The following PALM2AKAP2 variants were observed in gnomAD, a reference collection of about 807,000 sequenced individuals.
The protein encoded by PALM2AKAP2 is PALM2 and AKAP2 fusion.
In PALM2AKAP2, 37 loss-of-function variants were observed where a neutral mutation model predicts 71.5. That is an observed-to-expected ratio of 0.52 (90% CI 0.40 to 0.68). The LOEUF (loss-of-function observed/expected upper bound fraction) is 0.68, where lower values mean the gene tolerates loss of function less well. PALM2AKAP2 is among the 30% of genes least tolerant of loss of function. PALM2AKAP2 has a pLI of 0.00. For synonymous variants in PALM2AKAP2, 468 were observed against 478.8 expected (o/e 0.98, Z 0.29); for missense variants, 1,224 against 1,191.8 (o/e 1.03, Z -0.40).
At chr9:110,002,775 G>T (rs979792802) in intron 6 of PALM2AKAP2, among the ~76,000 whole-genome samples, 2,782 of 151,858 alleles carry the variant, frequency 0.018, 91 homozygotes, top group African/African-American at 0.064. Flanking sequence ...TGTATGTGTC[G>T]AGGAATTTAT....
upstream of PALM2AKAP2, among the ~76,000 whole-genome samples, chr9:110,048,004 G>C (rs948813611): frequency 9.2e-5 from 14 of 152,104 alleles, no homozygotes; most frequent in African/African-American, 2.7e-4. Context: ...CTCTGACACC[G>C]GGCCACCGGC....
chr9:109,855,434 A>G (rs1564181892), intron 1 of PALM2AKAP2, among the ~76,000 whole-genome samples: 1 of 152,216 alleles, frequency 6.6e-6, no homozygotes, highest in Non-Finnish European at 1.5e-5. Flanking sequence ...TTCATTATCA[A>G]TAAATACTGA....
intron 1 of PALM2AKAP2, among the ~76,000 whole-genome samples, chr9:109,646,898 G>A (rs145644283): frequency 2.6e-5 from 4 of 152,320 alleles, no homozygotes; most frequent in East Asian, 1.9e-4. Context: ...TTAAACAAAT[G>A]TGTTTAGAAA....
At chr9:109,774,719 T>A (rs994545959) in intron 1 of PALM2AKAP2, among the ~76,000 whole-genome samples, 2 of 151,694 alleles carry the variant, frequency 1.3e-5, no homozygotes, top group East Asian at 3.9e-4. Context: ...TTCACTTAAG[T>A]TGGTCCATGG....
chr9:109,750,266 A>G (rs146198476), intron 1 of PALM2AKAP2, among the ~76,000 whole-genome samples: 90 of 152,330 alleles, frequency 5.9e-4, no homozygotes, highest in African/African-American at 2.1e-3. Flanking sequence ...ACAGGAAATT[A>G]GTTCCAATAT....
rs145778795 is a variant in PALM2AKAP2 at position 109,689,645 on chromosome 9, T to C, written c.5+48779T>C. 2.0e-5 allele frequency among the ~76,000 whole-genome samples: 3 copies of C among 152,340 alleles called. No individual in the cohort carries two copies. The East Asian group carries it at 5.8e-4, about 29-fold the overall frequency. ...GAAATAGGACAAAAGAATCAATAGA[T>C]GGAAAATGAAAGTATCATCTTCATG... On this transcript the variant is annotated intron_variant, in intron 1 of 6. Transcript: ENST00000374531.
chr9:109,738,221 G>A (rs1828666193), intron 1 of PALM2AKAP2, among the ~76,000 whole-genome samples: 1 of 152,168 alleles, frequency 6.6e-6, no homozygotes. Flanking sequence ...GGAAACAGTG[G>A]TGTAAAGTTT....
At chr9:110,016,184 A>C in intron 7 of PALM2AKAP2, 145 bp downstream of exon 7, 1 of 760,260 alleles carries the variant, frequency 1.3e-6, no homozygotes, top group Non-Finnish European at 2.2e-6. Flanking sequence ...TAGGGAGGCA[A>C]CCGTACATAA....
intron 3 of PALM2AKAP2, among the ~76,000 whole-genome samples, chr9:109,885,234 G>A (rs1431123557): frequency 6.6e-6 from 1 of 152,170 alleles, no homozygotes; most frequent in African/African-American, 2.4e-5. Context: ...AAGGGCGAAT[G>A]TTGTTCCTCT....
At chr9:109,848,208 G>T (rs1828916814) in intron 1 of PALM2AKAP2, among the ~76,000 whole-genome samples, 1 of 152,164 alleles carries the variant, frequency 6.6e-6, no homozygotes, top group African/African-American at 2.4e-5. Context: ...GAGCAGGGGA[G>T]TGCAGACTTT....
chr9:109,958,105 C>T (rs973759151), intron 6 of PALM2AKAP2, among the ~76,000 whole-genome samples: 2 of 151,824 alleles, frequency 1.3e-5, no homozygotes, highest in Non-Finnish European at 2.9e-5. Flanking sequence ...CTTCTCCTTT[C>T]CTTCCCATTA....
At chr9:109,962,642 A>ATTTT (rs397894684) in intron 6 of PALM2AKAP2, among the ~76,000 whole-genome samples, 1 of 142,928 alleles carries the variant, frequency 7.0e-6, no homozygotes, top group African/African-American at 2.6e-5. Flanking sequence ...AACTGTGCCA[A>ATTTT]TTTTTTTTTT....
exon 6 of PALM2AKAP2, chr9:109,932,023 C>A (rs370773077): frequency 1.2e-6 from 2 of 1,612,290 alleles, no homozygotes; most frequent in Admixed American, 3.3e-5. Flanking sequence ...ACCAGCAGAG[C>A]GGCTGGTAAG....
chr9:110,136,920 G>T (rs1474166628), exon 2 of PALM2AKAP2: 3 of 1,614,090 alleles, frequency 1.9e-6, no homozygotes, highest in Non-Finnish European at 2.5e-6. Flanking sequence ...CTCATCCGCA[G>T]CCAGGCCGTC....
chr9:109,717,093 G>A (rs142264475), intron 1 of PALM2AKAP2, among the ~76,000 whole-genome samples: 22 of 152,122 alleles, frequency 1.4e-4, no homozygotes, highest in East Asian at 5.8e-4. Flanking sequence ...CACAGACAGC[G>A]CTGGCAAGTT....
intron 1 of PALM2AKAP2, among the ~76,000 whole-genome samples, chr9:109,863,338 A>G (rs888760388): frequency 2.0e-5 from 3 of 152,218 alleles, no homozygotes; most frequent in Non-Finnish European, 4.4e-5. Context: ...GTCTTTCAAG[A>G]AAGTAAGTGT....
Position 109,756,508 on chromosome 9 carries a change from GC to G in PALM2AKAP2, c.6-23979del, listed in dbSNP as rs1217290628. Among the ~76,000 whole-genome samples, 3 of 152,196 alleles carry G rather than the reference GC, an allele frequency of 2.0e-5. No homozygotes were observed. In the East Asian group the frequency reaches 5.8e-4, roughly 29 times the overall value. ...CTATCTTTTATAGACATGTTCATTG[GC>G]TTTTGGCCAATTTTATCAGTTTGTT... is the stretch of plus-strand genomic sequence containing the variant. On this transcript the variant is annotated intron_variant, in intron 1 of 6. Coordinates refer to the PALM2AKAP2 transcript ENST00000374531.
intron 2 of PALM2AKAP2, among the ~76,000 whole-genome samples, chr9:110,146,008 C>T (rs571140101): frequency 4.7e-5 from 7 of 149,658 alleles, no homozygotes; most frequent in Non-Finnish European, 1.5e-5. Flanking sequence ...ACGCCATTCT[C>T]CTGCCTCAGC....
At chr9:110,155,762 A>C (rs1836437555) in intron 2 of PALM2AKAP2, among the ~76,000 whole-genome samples, 1 of 152,214 alleles carries the variant, frequency 6.6e-6, no homozygotes, top group African/African-American at 2.4e-5. Context: ...ATCCTTATTC[A>C]AAGGTTTTAT....
Sources: allele counts gnomAD v4.1 joint callset (sites outside exome capture counted in the v4.1 genomes callset), GRCh38; gene constraint gnomAD v4.1.1; transcripts MANE v1.5; gene names NCBI Gene and HGNC (gene_info 2026-07-23, HGNC 2026-07-21).